IFI6: variants seen among roughly 807,000 people sequenced by gnomAD.
IFI6 encodes interferon alpha-inducible protein 6.
A neutral mutation model predicts 12.7 loss-of-function variants in IFI6; 10 were observed. The ratio of observed to expected loss-of-function variants is 0.79; its 90% CI spans 0.49 to 1.33. IFI6 has a LOEUF of 1.33. Ranked by LOEUF, IFI6 falls within the 40% of genes most tolerant of loss-of-function variation. The probability of loss-of-function intolerance (pLI) is 0.00; values close to 1 mark genes in which losing one functional copy is unlikely to be tolerated. For missense variants in IFI6, 154 were observed against 180.4 expected, an observed-to-expected ratio of 0.85 and a Z score of 0.84; for synonymous variants, 89 against 86.2, an observed-to-expected ratio of 1.03 and a Z score of -0.18.
chr1:27,668,554 A>C lies in IFI6; in HGVS notation c.71-19T>G. The C allele has an allele frequency of 6.3e-7, 1 of 1,581,916 alleles. No homozygotes were observed. Among genetic ancestry groups the C allele is most frequent in the Middle Eastern group, 1.7e-4 (1 of 5,970 alleles). ...TTCTTACCTGCAGGAGAGCAGACAAAGCGTAGTGGGGGTGTTGGGGTGGGA... is the reference window on the plus strand; with the variant it reads ...TTCTTACCTGCAGGAGAGCAGACAACGCGTAGTGGGGGTGTTGGGGTGGGA... On this transcript the variant is annotated intron_variant, in intron 2 of 4. Coordinates refer to ENST00000361157, the MANE Select transcript of IFI6 (RefSeq NM_002038.4).
At chr1:27,668,687 G>T in intron 2 of IFI6, 152 bp from the exon 3 acceptor site, 1 of 636,952 alleles carries the variant, frequency 1.6e-6, no homozygotes, top group Non-Finnish European at 2.8e-6. Flanking sequence ...CTTTCCCCTA[G>T]GCGCCGAGCC....
At position 27,668,455 on chromosome 1, in the gene IFI6, C is replaced by G. The variant is rs1348584084; in HGVS notation, c.148+3G>C. ...GCCCGAGATCCTCGCCCTCCAGACC[C>G]ACCTCCTCCGACGGCCATGAAGGTC... is the stretch of plus-strand genomic sequence containing the variant. On this transcript the variant is annotated splice_donor_region_variant and intron_variant, in intron 3 of 4. Coordinates refer to ENST00000361157, the MANE Select transcript of IFI6 (RefSeq NM_002038.4). 27 of 1,609,692 alleles carry G rather than the reference C, an allele frequency of 1.7e-5. No individual in the cohort carries two copies. In the Middle Eastern group the frequency reaches 4.9e-4, roughly 29 times the overall value.
At chr1:27,667,177 G>A (rs2090358335) in intron 4 of IFI6, among the ~76,000 whole-genome samples, 1 of 145,226 alleles carries the variant, frequency 6.9e-6, no homozygotes, top group Admixed American at 7.1e-5. Flanking sequence ...GCCAAAGTGG[G>A]AGGATTGCTT....
chr1:27,670,038 C>T lies in IFI6; in HGVS notation c.-32-692G>A, dbSNP rs1462075300. The stretch of plus-strand genomic sequence containing the variant: ...CAATCAGTCCTCTGGTGAACACCAG[C>T]TGAGGGTCCCCAAATTCAATTCTGA... On this transcript the variant is annotated intron_variant, in intron 1 of 4. Coordinates refer to ENST00000361157, the MANE Select transcript of IFI6 (RefSeq NM_002038.4). 10 of 152,350 alleles carry T rather than the reference C, an allele frequency of 6.6e-5. 1 individual carries two copies. Among genetic ancestry groups the T allele is most frequent in the Middle Eastern group, 3.4e-3 (1 of 294 alleles). The allele number at this position is 152,350 out of a possible 1,614,324, so 9.4% of individuals were successfully genotyped here.
chr1:27,666,617 A>G (rs1250406237), intron 4 of IFI6, 142 bp from the exon 5 acceptor site: 1 of 293,424 alleles, frequency 3.4e-6, no homozygotes, highest in African/African-American at 7.2e-5. Flanking sequence ...ACTACTACAA[A>G]GTGAGTCCCA....
Position 27,666,100 on chromosome 1 carries a change from A to G in IFI6, c.*281T>C. 6.5e-6 allele frequency: 2 copies of G among 309,884 alleles called. No individual in the cohort carries two copies. Among genetic ancestry groups the G allele is most frequent in the Non-Finnish European group, 1.2e-5 (2 of 166,646 alleles). 19.2% of individuals were successfully genotyped at this position (309,884 alleles called of 1,614,324 possible). On this transcript the variant is annotated 3_prime_UTR_variant, in exon 5 of 5. Coordinates refer to ENST00000361157, the MANE Select transcript of IFI6 (RefSeq NM_002038.4). ...TGAAGTTTATTCTGTTTTCACATCTAGGTTGTTGGGGAGAGTGATAGACAA... is the reference window on the plus strand; with the variant it reads ...TGAAGTTTATTCTGTTTTCACATCTGGGTTGTTGGGGAGAGTGATAGACAA...
intron 1 of IFI6, 140 bp from the exon 2 acceptor site, chr1:27,669,486 C>T (rs1203565387): frequency 1.7e-6 from 1 of 597,828 alleles, no homozygotes; most frequent in Non-Finnish European, 3.0e-6. Flanking sequence ...TCTCAGGAGC[C>T]TCGGGAATCC....
At chr1:27,668,404 G>A (rs1318565849) in intron 3 of IFI6, 29 bp from the exon 4 acceptor site, 2 of 1,579,528 alleles carry the variant, frequency 1.3e-6, no homozygotes, top group Admixed American at 1.8e-5. Context: ...GTGAGGGAGC[G>A]TCCGCGGCAG....
At chr1:27,671,776 G>A (rs991314694) in intron 1 of IFI6, among the ~76,000 whole-genome samples, 1 of 152,096 alleles carries the variant, frequency 6.6e-6, no homozygotes, top group South Asian at 2.1e-4. Context: ...TAATAAAGGG[G>A]ATTCTAAAAT....
intron 1 of IFI6, chr1:27,669,793 C>T (rs2090390283): frequency 6.4e-6 from 1 of 156,204 alleles, no homozygotes. Context: ...TGAACAGTGC[C>T]TGACGCATAG....
intron 4 of IFI6, among the ~76,000 whole-genome samples, chr1:27,667,837 G>A (rs111401389): frequency 1.3e-5 from 2 of 152,188 alleles, no homozygotes; most frequent in Admixed American, 6.5e-5. Flanking sequence ...ATGGGACGCC[G>A]AGGCGGGCGG....
At position 27,668,359 on chromosome 1, in the gene IFI6, C is replaced by T. The variant is rs1310772230; in HGVS notation, c.165G>A (p.Gly55=). ...MAVGGGLAVA[G]LPALGFTGAG... is the part of the protein sequence containing the mutation. ...CGCCGGTGAAGCCCAGCGCGGGCAG[C>T]CCGGCGACTGCGAGTCCTGGAGGAA... Residue 55 remains glycine (G), a synonymous_variant, in exon 4 of 5, where the codon GGG becomes GGA. Transcript: ENST00000361157. The T allele has an allele frequency of 2.6e-6, 4 of 1,567,330 alleles. No homozygotes were observed. The highest frequency in any genetic ancestry group is 3.5e-6 in the Non-Finnish European group (4 of 1,156,086).
At chr1:27,669,608 A>T in intron 1 of IFI6, 1 of 425,804 alleles carries the variant, frequency 2.3e-6, no homozygotes, top group Non-Finnish European at 4.4e-6. Context: ...AGATGTCAAT[A>T]TCATGACTGT....
chr1:27,668,613 G>T, intron 2 of IFI6, 78 bp from the exon 3 acceptor site: 1 of 1,180,426 alleles, frequency 8.5e-7, no homozygotes, highest in Non-Finnish European at 1.2e-6. Context: ...CTGATGCTCA[G>T]GACCACTCCT....
Position 27,668,458 on chromosome 1 carries a change from C to A in IFI6, c.148G>T (p.Gly50Ter). 1 of 1,610,258 alleles carries A rather than the reference C, an allele frequency of 6.2e-7. No individual in the cohort carries two copies. The highest frequency in any genetic ancestry group is 2.2e-5 in the East Asian group (1 of 44,646). The change falls in exon 3 of 5, where the codon GGA becomes TGA. Residue 50 changes from glycine (G) to a stop codon, truncating the protein, a stop_gained and splice_region_variant. Transcript: ENST00000361157. LOFTEE classifies it high-confidence loss of function. Reference protein sequence around the residue: ...KALTFMAVGGGLAVAGLPALG... With the variant: ...KALTFMAVGG ...CGAGATCCTCGCCCTCCAGACCCAC[C>A]TCCTCCGACGGCCATGAAGGTCAGG...
At chr1:27,668,566 G>T (rs56015130) in intron 2 of IFI6, 31 bp from the exon 3 acceptor site, 1,460,797 of 1,561,918 alleles carry the variant, frequency 0.94, 693,383 homozygotes, top group Non-Finnish European at 0.97. Flanking sequence ...CGTAGTGGGG[G>T]TGTTGGGGTG....
At position 27,666,230 on chromosome 1, in the gene IFI6, G is replaced by A. The variant is rs187700106; in HGVS notation, c.*151C>T. 3.1e-4 allele frequency: 163 copies of A among 531,804 alleles called. No individual in the cohort carries two copies. The African/African-American group carries it at 3.2e-3, about 11-fold the overall frequency. 32.9% of individuals were successfully genotyped at this position (531,804 alleles called of 1,614,324 possible). Reference sequence around the variant, plus strand: ...GGAGTTGGAGGCTGCAGTGTACTATGTTCGCATCTGTGAATAGCCACTGCA... The same window carrying A: ...GGAGTTGGAGGCTGCAGTGTACTATATTCGCATCTGTGAATAGCCACTGCA... On this transcript the variant is annotated 3_prime_UTR_variant, in exon 5 of 5. Coordinates refer to ENST00000361157, the MANE Select transcript of IFI6 (RefSeq NM_002038.4).
chr1:27,668,400 G>A, intron 3 of IFI6, 25 bp from the exon 4 acceptor site: 1 of 1,577,088 alleles, frequency 6.3e-7, no homozygotes, highest in South Asian at 1.2e-5. Context: ...GCAGGTGAGG[G>A]AGCGTCCGCG....
rs563370001 is a variant in IFI6 at position 27,666,233 on chromosome 1, C to T, written c.*148G>A. ...GTTGGAGGCTGCAGTGTACTATGTT[C>T]GCATCTGTGAATAGCCACTGCACTC... On this transcript the variant is annotated 3_prime_UTR_variant, in exon 5 of 5. Coordinates refer to ENST00000361157, the MANE Select transcript of IFI6 (RefSeq NM_002038.4). The T allele has an allele frequency of 1.2e-4, 68 of 546,632 alleles. 1 individual carries two copies. The highest frequency in any genetic ancestry group is 1.2e-3 in the African/African-American group (54 of 46,270). The allele number at this position is 546,632 out of a possible 1,614,324, so 33.9% of individuals were successfully genotyped here.
Sources: gnomAD v4.1 joint callset for allele counts (sites outside exome capture counted in the v4.1 genomes callset) on GRCh38, gnomAD v4.1.1 for gene constraint, MANE v1.5 for transcripts, NCBI Gene and HGNC (gene_info 2026-07-23, HGNC 2026-07-21) for gene names.